Variants in SKIC2 observed in about 807,000 individuals in gnomAD.
SKIC2 encodes the protein SKI2 subunit of superkiller complex.
chr6:31,960,844 T>C, the SKIC2 span: 1 of 984,178 alleles, frequency 1.0e-6, no homozygotes, highest in African/African-American at 1.6e-5. Context: ...AAAAAGATAT[T>C]CTGTCCATAA....
chr6:31,963,022 C>T, the SKIC2 span: 1 of 1,612,816 alleles, frequency 6.2e-7, no homozygotes, highest in South Asian at 1.1e-5. This position sits in a 1 kb window ranked among gnomAD's most constrained non-coding sequence, Gnocchi z 5.3. Context: ...ATCATGCTAC[C>T]TGACCACGTT....
the SKIC2 span, chr6:31,968,491 C>G: frequency 1.2e-6 from 2 of 1,612,962 alleles, no homozygotes; most frequent in Non-Finnish European, 1.7e-6. The surrounding 1 kb of genome is among the most constrained non-coding windows in gnomAD (Gnocchi z 6.1). Context: ...GCTGGAGGAG[C>G]TGATCCAGGG....
the SKIC2 span, chr6:31,960,450 A>C: frequency 1.2e-6 from 2 of 1,613,980 alleles, no homozygotes; most frequent in Non-Finnish European, 8.5e-7. Flanking sequence ...GGAGAACACA[A>C]ATCTCTCGGC....
the SKIC2 span, chr6:31,961,725 C>T: frequency 6.3e-7 from 1 of 1,590,184 alleles, no homozygotes; most frequent in Non-Finnish European, 8.6e-7. Context: ...CTGGGTCACA[C>T]TCCCAGCCGA....
the SKIC2 span, chr6:31,969,139 C>T: frequency 6.4e-7 from 1 of 1,573,712 alleles, no homozygotes; most frequent in East Asian, 2.3e-5. The surrounding 1 kb of genome is among the most constrained non-coding windows in gnomAD (Gnocchi z 6.1). Flanking sequence ...CATTCCTGAC[C>T]TTCACCTTCA....
the SKIC2 span, chr6:31,962,949 G>GCCCTCATGTGACCTCCCTT: frequency 2.6e-6 from 4 of 1,522,836 alleles, no homozygotes; most frequent in Non-Finnish European, 3.6e-6. This position sits in a 1 kb window ranked among gnomAD's most constrained non-coding sequence, Gnocchi z 5.0. Context: ...GGCGGCCCCT[G>GCCCTCATGTGACCTCCCTT]CCCTCATGTG....
the SKIC2 span, chr6:31,963,271 A>G: frequency 2.3e-6 from 2 of 870,622 alleles, no homozygotes; most frequent in East Asian, 2.6e-5. This position sits in a 1 kb window ranked among gnomAD's most constrained non-coding sequence, Gnocchi z 5.3. Flanking sequence ...GCATGTTGAA[A>G]TGGGATGAGA....
At chr6:31,969,451 C>T in the SKIC2 span, 398 of 1,613,844 alleles carry the variant, frequency 2.5e-4, 1 homozygote, top group Admixed American at 5.9e-3. This position sits in a 1 kb window ranked among gnomAD's most constrained non-coding sequence, Gnocchi z 6.1. Context: ...ATTTTGCAGA[C>T]GGCTGGCTGG....
At chr6:31,968,003 G>A in the SKIC2 span, 1 of 1,613,070 alleles carries the variant, frequency 6.2e-7, no homozygotes, top group Non-Finnish European at 8.5e-7. This position sits in a 1 kb window ranked among gnomAD's most constrained non-coding sequence, Gnocchi z 6.1. Flanking sequence ...AGATATGGCT[G>A]CCATCACCAC....
the SKIC2 span, chr6:31,959,641 G>T: frequency 1.8e-6 from 1 of 557,450 alleles, no homozygotes; most frequent in East Asian, 3.0e-5. Context: ...ATTTCTCCGT[G>T]GAGCTCCCTT....
chr6:31,967,674 T>G, the SKIC2 span: 2 of 1,607,256 alleles, frequency 1.2e-6, no homozygotes, highest in Non-Finnish European at 8.5e-7. The surrounding 1 kb of genome is among the most constrained non-coding windows in gnomAD (Gnocchi z 4.9). Flanking sequence ...TGATGTCTAC[T>G]CATCACACCC....
At chr6:31,960,734 G>A in the SKIC2 span, 1 of 1,560,356 alleles carries the variant, frequency 6.4e-7, no homozygotes, top group Admixed American at 2.0e-5. Flanking sequence ...GATAGACTTT[G>A]AGAAAGGTAA....
At chr6:31,960,636 T>C in the SKIC2 span, 2 of 1,588,758 alleles carry the variant, frequency 1.3e-6, no homozygotes, top group African/African-American at 1.3e-5. Flanking sequence ...CCTCATCCCA[T>C]GAATCCCTGT....
chr6:31,967,141 G>A, the SKIC2 span: 2 of 1,609,974 alleles, frequency 1.2e-6, no homozygotes, highest in African/African-American at 1.3e-5. This position sits in a 1 kb window ranked among gnomAD's most constrained non-coding sequence, Gnocchi z 4.9. Flanking sequence ...ACATGATCCA[G>A]GTGAGCAAGT....
chr6:31,963,480 C>G, the SKIC2 span: 4 of 1,612,234 alleles, frequency 2.5e-6, no homozygotes, highest in Non-Finnish European at 3.4e-6. This position sits in a 1 kb window ranked among gnomAD's most constrained non-coding sequence, Gnocchi z 5.3. Flanking sequence ...GGAGCACTAT[C>G]TTTTCACAGG....
chr6:31,962,759 G>C, the SKIC2 span: 1 of 1,612,714 alleles, frequency 6.2e-7, no homozygotes, highest in Non-Finnish European at 8.5e-7. The surrounding 1 kb of genome is among the most constrained non-coding windows in gnomAD (Gnocchi z 5.0). Context: ...ACCTGGAGTG[G>C]GTCATCTTTG....
At chr6:31,962,799 G>A in the SKIC2 span, 2 of 1,608,444 alleles carry the variant, frequency 1.2e-6, no homozygotes, top group African/African-American at 1.3e-5. This position sits in a 1 kb window ranked among gnomAD's most constrained non-coding sequence, Gnocchi z 5.0. Context: ...CGATGTCGAG[G>A]TAAGGGCCAT....
chr6:31,963,098 CGT>C, the SKIC2 span: 1 of 1,595,870 alleles, frequency 6.3e-7, no homozygotes, highest in Non-Finnish European at 8.6e-7. The surrounding 1 kb of genome is among the most constrained non-coding windows in gnomAD (Gnocchi z 5.3). Context: ...TTGGGTGAGA[CGT>C]GTGTCCCGGG....
At chr6:31,964,162 A>G in the SKIC2 span, 7 of 1,610,306 alleles carry the variant, frequency 4.3e-6, no homozygotes, top group Admixed American at 3.3e-5. The surrounding 1 kb of genome is among the most constrained non-coding windows in gnomAD (Gnocchi z 5.0). Context: ...GCATGCACAC[A>G]TTTGGCAGAC....
Sources: gnomAD v4.1 joint callset for allele counts on GRCh38, gnomAD v4.1.1 for gene constraint, Gnocchi (gnomAD v3.1) non-coding constraint, MANE v1.5 for transcripts, NCBI Gene and HGNC (gene_info 2026-07-23, HGNC 2026-07-21) for gene names.